Variants in IKZF3 observed in about 807,000 individuals in gnomAD.
IKZF3 encodes IKAROS family zinc finger 3, also known as zinc finger protein Aiolos.
Under a neutral mutation model 49.0 loss-of-function variants are expected in IKZF3, and 10 were observed. That is an observed-to-expected ratio of 0.20 (90% CI 0.13 to 0.35). The LOEUF (loss-of-function observed/expected upper bound fraction) is 0.35, where lower values mean the gene tolerates loss of function less well. Ranked by LOEUF, IKZF3 falls within the 10% of genes least tolerant of loss-of-function variation. IKZF3 has a pLI of 1.00. For synonymous variants in IKZF3, 209 were observed against 228.2 expected (o/e 0.92, Z 0.76); for missense variants, 498 against 664.8 (o/e 0.75, Z 2.76).
chr17:39,808,431 C>T (rs2061481053), intron 3 of IKZF3, among the ~76,000 whole-genome samples: 1 of 152,194 alleles, frequency 6.6e-6, no homozygotes, highest in African/African-American at 2.4e-5. Context: ...TACCTAACTA[C>T]TGATTTTTGC....
chr17:39,812,749 G>A (rs2144115225), intron 3 of IKZF3, among the ~76,000 whole-genome samples: 1 of 152,302 alleles, frequency 6.6e-6, no homozygotes, highest in African/African-American at 2.4e-5. Flanking sequence ...GGTGTTTCAT[G>A]CGTTCTCTTA....
At chr17:39,850,782 T>C (rs1409157161) in intron 1 of IKZF3, among the ~76,000 whole-genome samples, 1 of 120,258 alleles carries the variant, frequency 8.3e-6, no homozygotes, top group Non-Finnish European at 1.6e-5. Flanking sequence ...ATATAGTATA[T>C]ATACATATCT....
At chr17:39,813,168 T>C (rs926257136) in intron 3 of IKZF3, among the ~76,000 whole-genome samples, 3 of 151,474 alleles carry the variant, frequency 2.0e-5, no homozygotes, top group African/African-American at 7.3e-5. Flanking sequence ...GAGAAAACTC[T>C]CCAGAGGATC....
chr17:39,823,236 T>C (rs2061858710), intron 3 of IKZF3, among the ~76,000 whole-genome samples: 1 of 152,096 alleles, frequency 6.6e-6, no homozygotes, highest in Admixed American at 6.5e-5. Flanking sequence ...GGAGCAAAGG[T>C]AACTTTTGCT....
intron 3 of IKZF3, among the ~76,000 whole-genome samples, chr17:39,816,860 T>C (rs370540413): frequency 1.3e-5 from 2 of 152,244 alleles, no homozygotes; most frequent in East Asian, 3.9e-4. Flanking sequence ...ATTACAGGCA[T>C]GCGCCACCAC....
chr17:39,855,140 C>T (rs2063000062), intron 1 of IKZF3, among the ~76,000 whole-genome samples: 1 of 152,156 alleles, frequency 6.6e-6, no homozygotes, highest in African/African-American at 2.4e-5. Flanking sequence ...GGAAGATAGG[C>T]TTAGCAGTGG....
intron 3 of IKZF3, among the ~76,000 whole-genome samples, chr17:39,805,434 T>C (rs2144041965): frequency 6.6e-6 from 1 of 152,360 alleles, no homozygotes; most frequent in Non-Finnish European, 1.5e-5. Flanking sequence ...AAAGGATTCT[T>C]GGATGAGAAG....
intron 3 of IKZF3, among the ~76,000 whole-genome samples, chr17:39,801,650 T>C (rs1337088116): frequency 6.6e-6 from 1 of 152,130 alleles, no homozygotes; most frequent in African/African-American, 2.4e-5. Flanking sequence ...ACTGAAACGA[T>C]GGGTCATTTT....
intron 3 of IKZF3, among the ~76,000 whole-genome samples, chr17:39,803,182 G>A (rs1179190863): frequency 6.6e-6 from 1 of 152,140 alleles, no homozygotes; most frequent in Non-Finnish European, 1.5e-5. Flanking sequence ...CTAGAATTGT[G>A]AGGACTGAAG....
At chr17:39,846,969 T>G (rs1479210172) in intron 1 of IKZF3, among the ~76,000 whole-genome samples, 6 of 152,172 alleles carry the variant, frequency 3.9e-5, no homozygotes, top group African/African-American at 1.4e-4. Flanking sequence ...TATCTCTGAA[T>G]GTTGATATTC....
intron 6 of IKZF3, among the ~76,000 whole-genome samples, chr17:39,786,100 C>T (rs1004200531): frequency 2.6e-5 from 4 of 152,036 alleles, no homozygotes; most frequent in African/African-American, 4.8e-5. Context: ...ACTGCTTTTG[C>T]GGATGGTGAT....
chr17:39,784,616 A>G (rs777238902), intron 6 of IKZF3, among the ~76,000 whole-genome samples: 11 of 152,112 alleles, frequency 7.2e-5, no homozygotes, highest in Admixed American at 1.3e-4. Context: ...GTTGGCCAAG[A>G]TGGTCTCCAT....
chr17:39,822,094 A>G (rs1322831777), intron 3 of IKZF3, among the ~76,000 whole-genome samples: 1 of 152,184 alleles, frequency 6.6e-6, no homozygotes, highest in Non-Finnish European at 1.5e-5. Context: ...TATAAGGTCT[A>G]TTTACCCTGA....
intron 1 of IKZF3, among the ~76,000 whole-genome samples, chr17:39,843,751 G>A (rs1232793847): frequency 6.6e-6 from 1 of 151,210 alleles, no homozygotes; most frequent in Non-Finnish European, 1.5e-5. Context: ...AGGTTACAGT[G>A]AGCCGAGATG....
chr17:39,829,175 A>G lies in IKZF3; in HGVS notation c.163+212T>C, dbSNP rs115783435. Among the ~76,000 whole-genome samples the G allele has an allele frequency of 4.9e-3, 748 of 152,330 alleles. 7 individuals are homozygous for G. The highest frequency in any genetic ancestry group is 0.017 in the African/African-American group (727 of 41,556). On this transcript the variant is annotated intron_variant, in intron 3 of 7. Coordinates refer to ENST00000346872, the MANE Select transcript of IKZF3 (RefSeq NM_012481.5). ...ACATCATGTTTTAAGTGAAGTTAAT[A>G]TAATTGGAACACTGGATAAGCACCT...
intron 3 of IKZF3, among the ~76,000 whole-genome samples, chr17:39,802,221 CAAAAAAAAAAAAAAAA>C (rs56029512): frequency 3.7e-5 from 2 of 54,408 alleles, no homozygotes; most frequent in African/African-American, 1.7e-4. Context: ...GACTCCATCT[CAAAAAAAAAAAAAAAA>C]AAAAAAAAAG....
chr17:39,799,042 C>T, intron 3 of IKZF3, among the ~76,000 whole-genome samples: 1 of 151,886 alleles, frequency 6.6e-6, no homozygotes. Context: ...TTCCCTATGA[C>T]ACTGCTTAAC....
chr17:39,863,529 C>T (rs2144619533), intron 1 of IKZF3, among the ~76,000 whole-genome samples: 1 of 152,154 alleles, frequency 6.6e-6, no homozygotes, highest in Admixed American at 6.5e-5. Flanking sequence ...CAAGGAAGTA[C>T]AGAATGAAAA....
At chr17:39,783,208 C>T (rs2060788466) in intron 6 of IKZF3, among the ~76,000 whole-genome samples, 1 of 152,180 alleles carries the variant, frequency 6.6e-6, no homozygotes, top group Non-Finnish European at 1.5e-5. Flanking sequence ...TGTTATTATG[C>T]AATAGAAATT....
Sources: allele counts gnomAD v4.1 joint callset (sites outside exome capture counted in the v4.1 genomes callset), GRCh38; gene constraint gnomAD v4.1.1; transcripts MANE v1.5; gene names NCBI Gene and HGNC (gene_info 2026-07-23, HGNC 2026-07-21).